The following COA3 variants were observed in gnomAD, a reference collection of about 807,000 sequenced individuals.
COA3 encodes cytochrome c oxidase assembly factor 3.
Under a neutral mutation model 10.1 loss-of-function variants are expected in COA3, and 10 were observed. The ratio of observed to expected loss-of-function variants is 0.99; its 90% CI spans 0.61 to 1.67. The LOEUF (loss-of-function observed/expected upper bound fraction) is 1.67, where lower values mean the gene tolerates loss of function less well. COA3 is among the 40% of genes most tolerant of loss of function. The pLI, the probability that COA3 is intolerant of heterozygous loss-of-function variation, is 0.00. For missense variants in COA3, 142 were observed against 140.7 expected (o/e 1.01, Z -0.05); for synonymous variants, 57 against 63.1 (o/e 0.90, Z 0.46).
rs748781209 is a variant in COA3 at position 42,797,959 on chromosome 17, C to T, written c.*102G>A. The T allele has an allele frequency of 5.1e-6, 4 of 783,908 alleles. No individual in the cohort carries two copies. Among genetic ancestry groups the T allele is most frequent in the Non-Finnish European group, 8.4e-6 (4 of 474,150 alleles). The allele number at this position is 783,908 out of a possible 1,614,324, so 48.6% of individuals were successfully genotyped here. A position where few individuals can be genotyped will look rare whatever the true frequency, so the allele number is the denominator to read the frequency against. On this transcript the variant is annotated 3_prime_UTR_variant, in exon 2 of 2. Transcript: ENST00000328434. The stretch of plus-strand genomic sequence containing the variant: ...CACGGTCCAAGGTTAGTAAGAAGGC[C>T]AACAATGTTGTGAGCAGGATTCAAT...
chr17:42,798,418 T>A, intron 1 of COA3, 50 bp downstream of exon 1: 1 of 1,582,186 alleles, frequency 6.3e-7, no homozygotes, highest in Non-Finnish European at 8.6e-7. Context: ...CACACTCTGT[T>A]CCCCTGCCCC....
Position 42,797,930 on chromosome 17 carries a change from C to G in COA3, c.*131G>C. 1 of 641,140 alleles carries G rather than the reference C, an allele frequency of 1.6e-6. No homozygotes were observed. Among genetic ancestry groups the G allele is most frequent in the Non-Finnish European group, 2.7e-6 (1 of 370,084 alleles). The allele number at this position is 641,140 out of a possible 1,614,324, so 39.7% of individuals were successfully genotyped here. A position where few individuals can be genotyped will look rare whatever the true frequency, so the allele number is the denominator to read the frequency against. On this transcript the variant is annotated 3_prime_UTR_variant, in exon 2 of 2. Coordinates refer to ENST00000328434, the MANE Select transcript of COA3 (RefSeq NM_001040431.3). The stretch of plus-strand genomic sequence containing the variant: ...GCGTAAGTCCCTGGTTTCTTGGGCT[C>G]AATCACGGTCCAAGGTTAGTAAGAA...
At position 42,798,598 on chromosome 17, in the gene COA3, C is replaced by A. The variant is rs768850019; in HGVS notation, c.84G>T (p.Glu28Asp). The change falls in exon 1 of 2, where the codon GAG (glutamate) becomes GAT (aspartate). Residue 28 changes from glutamate to aspartate, a missense_variant. Physicochemically the swap from Glu to Asp is conservative, Grantham distance 45. Coordinates refer to ENST00000328434, the MANE Select transcript of COA3 (RefSeq NM_001040431.3). ...AATGCAGTTGCTCGGGTGTCAGCTT[C>A]TCCCGAGTCGGGTCGATACGCTGAG... ...PFAQRIDPTR[E>D]KLTPEQLHSM... The A allele has an allele frequency of 6.2e-7, 1 of 1,614,202 alleles. No individual in the cohort carries two copies. The highest frequency in any genetic ancestry group is 8.5e-7 in the Non-Finnish European group (1 of 1,180,046).
rs1395377773 is a variant in COA3 at position 42,798,573 on chromosome 17, A to C, written c.109T>G (p.Ser37Ala). 18 of 1,614,022 alleles carry C rather than the reference A, an allele frequency of 1.1e-5. No homozygotes were observed. Among genetic ancestry groups the C allele is most frequent in the Non-Finnish European group, 1.5e-5 (18 of 1,180,038 alleles). The change falls in exon 1 of 2, where the codon TCC becomes GCC. Residue 37 changes from serine to alanine, a missense_variant. Ser to Ala is a moderately conservative substitution (Grantham distance 99, BLOSUM62 1). Coordinates refer to ENST00000328434, the MANE Select transcript of COA3 (RefSeq NM_001040431.3). ...REKLTPEQLH[S>A]MRQAELAQWQ... ...TGGGCAAGCTCCGCCTGCCGCATGG[A>C]ATGCAGTTGCTCGGGTGTCAGCTTC...
intron 1 of COA3, 100 bp downstream of exon 1, chr17:42,798,368 C>G (rs1246056680): frequency 8.3e-7 from 1 of 1,198,480 alleles, no homozygotes; most frequent in African/African-American, 1.5e-5. Flanking sequence ...AAGTACTACC[C>G]ATTTTACCCC....
At position 42,798,102 on chromosome 17, in the gene COA3, C is replaced by G. The variant is rs776005973; in HGVS notation, c.280G>C (p.Ala94Pro). Residue 94 changes from alanine (A) to proline (P), a missense_variant, in exon 2 of 2, where the codon GCT (alanine) becomes CCT (proline). Coordinates refer to ENST00000328434, the MANE Select transcript of COA3 (RefSeq NM_001040431.3). Reference sequence around the variant, plus strand: ...CTTGCCAGAGCTCGGGCTCGGGCAGCTTTGGCCTCGTCTTCTAGCTCATCT... The same window carrying G: ...CTTGCCAGAGCTCGGGCTCGGGCAGGTTTGGCCTCGTCTTCTAGCTCATCT... ...FLDELEDEAKAARARALARAS... is the reference protein window; with the variant it reads ...FLDELEDEAKPARARALARAS... 1 of 1,614,048 alleles carries G rather than the reference C, an allele frequency of 6.2e-7. No individual in the cohort carries two copies. Among genetic ancestry groups the G allele is most frequent in the Non-Finnish European group, 8.5e-7 (1 of 1,180,036 alleles).
At position 42,797,682 on chromosome 17, in the gene COA3, C is replaced by T; in HGVS notation, c.*379G>A. ...TATTCTCAATTTGACCCTATGTATC[C>T]CACTGTAGGCTCAAACACTGCACAG... On this transcript the variant is annotated 3_prime_UTR_variant, in exon 2 of 2. Transcript: ENST00000328434. 5.9e-6 allele frequency: 1 copy of T among 168,970 alleles called. No individual in the cohort carries two copies. The allele number at this position is 168,970 out of a possible 1,614,324, so 10.5% of individuals were successfully genotyped here.
intron 1 of COA3, 134 bp downstream of exon 1, chr17:42,798,334 G>C: frequency 1.0e-6 from 1 of 996,996 alleles, no homozygotes; most frequent in Non-Finnish European, 1.5e-6. Context: ...CAAATTAAAA[G>C]AGTACCTTAG....
chr17:42,798,434 G>A (rs1397127948), intron 1 of COA3, 34 bp downstream of exon 1: 4 of 1,601,082 alleles, frequency 2.5e-6, no homozygotes, highest in African/African-American at 2.7e-5. Context: ...GCCCCTATAT[G>A]CGGTCCCCTT....
In COA3 at chr17:42,798,038, G is replaced by A; in HGVS notation, c.*23C>T. The A allele has an allele frequency of 6.4e-7, 1 of 1,559,802 alleles. No homozygotes were observed. Among genetic ancestry groups the A allele is most frequent in the Non-Finnish European group, 8.8e-7 (1 of 1,131,282 alleles). The stretch of plus-strand genomic sequence containing the variant: ...CATGTGAAGGGGCTCCAGCAGGTTG[G>A]ACATGATCAATACCCATCCAGATTA... On this transcript the variant is annotated 3_prime_UTR_variant, in exon 2 of 2. Transcript: ENST00000328434.
intron 1 of COA3, 37 bp downstream of exon 1, chr17:42,798,431 T>C (rs2144103996): frequency 6.2e-7 from 1 of 1,600,068 alleles, no homozygotes; most frequent in Non-Finnish European, 8.5e-7. Flanking sequence ...CCTGCCCCTA[T>C]ATGCGGTCCC....
rs1210930002 is a variant in COA3 at position 42,798,071 on chromosome 17, G to T, written c.311C>A (p.Ser104Ter). The T allele has an allele frequency of 6.2e-7, 1 of 1,613,846 alleles. No individual in the cohort carries two copies. Among genetic ancestry groups the T allele is most frequent in the Admixed American group, 1.7e-5 (1 of 60,014 alleles). ...AARARALARASGS is the reference protein window; with the variant it reads ...AARARALARA ...CAATACCCATCCAGATTAGGACCCTGACGCCCTTGCCAGAGCTCGGGCTCG... is the reference window on the plus strand; with the variant it reads ...CAATACCCATCCAGATTAGGACCCTTACGCCCTTGCCAGAGCTCGGGCTCG... The change falls in exon 2 of 2, where the codon TCA (serine) becomes TAA (stop). Residue 104 changes from serine (S) to a stop codon, truncating the protein, a stop_gained. Coordinates refer to ENST00000328434, the MANE Select transcript of COA3 (RefSeq NM_001040431.3). LOFTEE classifies it high-confidence loss of function.
In COA3 at chr17:42,798,140, T is replaced by C; in HGVS notation, c.242A>G (p.Gln81Arg). Residue 81 changes from glutamine (Q) to arginine (R), a missense_variant, in exon 2 of 2, where the codon CAG becomes CGG. By Grantham distance (43) the Gln-to-Arg change is conservative. Coordinates refer to ENST00000328434, the MANE Select transcript of COA3 (RefSeq NM_001040431.3). The part of the protein sequence containing the change: ...IYGYTFYSIS[Q>R]ERFLDELEDE... Reference sequence around the variant, plus strand: ...TTCTAGCTCATCTAGGAAACGCTCCTGGGAAATCGAGTAGAAGGTGTAACC... The same window carrying C: ...TTCTAGCTCATCTAGGAAACGCTCCCGGGAAATCGAGTAGAAGGTGTAACC... 6.2e-7 allele frequency: 1 copy of C among 1,614,064 alleles called. No individual in the cohort carries two copies. Among genetic ancestry groups the C allele is most frequent in the Non-Finnish European group, 8.5e-7 (1 of 1,179,966 alleles).
rs753887478 is a variant in COA3 at position 42,798,137 on chromosome 17, T to C, written c.245A>G (p.Glu82Gly). The change falls in exon 2 of 2, where the codon GAG becomes GGG. Residue 82 changes from glutamate (E) to glycine (G), a missense_variant. Physicochemically the swap from Glu to Gly is moderately conservative, Grantham distance 98. Transcript: ENST00000328434. ...GTCTTCTAGCTCATCTAGGAAACGC[T>C]CCTGGGAAATCGAGTAGAAGGTGTA... ...YGYTFYSISQERFLDELEDEA... is the reference protein window; with the variant it reads ...YGYTFYSISQGRFLDELEDEA... 6.2e-7 allele frequency: 1 copy of C among 1,614,020 alleles called. No homozygotes were observed. The highest frequency in any genetic ancestry group is 8.5e-7 in the Non-Finnish European group (1 of 1,179,982).
rs1331777697 is a variant in COA3, at chr17:42,798,674, G to A, written c.8C>T (p.Ser3Phe). ...ATCCAGAGGGTCACCAGCTCCCGAA[G>A]ACGCCATGTTGCCACTCCTCCCTTC... The part of the protein sequence containing the change: MA[S>F]SGAGDPLDSK... The change falls in exon 1 of 2, where the codon TCT becomes TTT. Residue 3 changes from serine to phenylalanine, a missense_variant. Transcript: ENST00000328434. The A allele has an allele frequency of 1.9e-6, 3 of 1,611,888 alleles. No individual in the cohort carries two copies. The highest frequency in any genetic ancestry group is 1.3e-5 in the African/African-American group (1 of 75,048).
chr17:42,798,183 C>G lies in COA3; in HGVS notation c.215-16G>C, dbSNP rs766575818. 2.2e-5 allele frequency: 34 copies of G among 1,536,188 alleles called. No homozygotes were observed. The highest frequency in any genetic ancestry group is 3.0e-5 in the Non-Finnish European group (33 of 1,109,648). ...GTGTAACCATCTGGGGAGGTAGGTT[C>G]AGGAAACCACACAGAATATGCACAT... On this transcript the variant is annotated splice_polypyrimidine_tract_variant and intron_variant, in intron 1 of 1. Transcript: ENST00000328434.
intron 1 of COA3, 123 bp from the exon 2 acceptor site, chr17:42,798,290 A>G: frequency 1.1e-6 from 1 of 950,894 alleles, no homozygotes; most frequent in Non-Finnish European, 1.6e-6. Flanking sequence ...CTGTTTCTAA[A>G]CCCTGAACCC....
Position 42,798,669 on chromosome 17 carries a change from C to T in COA3, c.13G>A (p.Gly5Arg), listed in dbSNP as rs199833326. Residue 5 changes from glycine (G) to arginine (R), a missense_variant, in exon 1 of 2, where the codon GGA becomes AGA. Physicochemically the swap from Gly to Arg is moderately radical, Grantham distance 125. Coordinates refer to ENST00000328434, the MANE Select transcript of COA3 (RefSeq NM_001040431.3). MASS[G>R]AGDPLDSKRG... ...TTAGAATCCAGAGGGTCACCAGCTC[C>T]CGAAGACGCCATGTTGCCACTCCTC... 190 of 1,612,044 alleles carry T rather than the reference C, an allele frequency of 1.2e-4. No homozygotes were observed. The highest frequency in any genetic ancestry group is 1.4e-4 in the Non-Finnish European group (164 of 1,178,438).
Position 42,798,657 on chromosome 17 carries a change from G to A in COA3, c.25C>T (p.Pro9Ser), listed in dbSNP as rs549490118. ...GCCTCTCCACGCTTAGAATCCAGAG[G>A]GTCACCAGCTCCCGAAGACGCCATG... MASSGAGD[P>S]LDSKRGEAPF... The change falls in exon 1 of 2, where the codon CCT becomes TCT. Residue 9 changes from proline to serine, a missense_variant. Coordinates refer to ENST00000328434, the MANE Select transcript of COA3 (RefSeq NM_001040431.3). 3.1e-6 allele frequency: 5 copies of A among 1,613,014 alleles called. No individual in the cohort carries two copies. In the East Asian group the frequency reaches 6.7e-5, roughly 22 times the overall value.
Sources: gnomAD v4.1 joint callset for allele counts on GRCh38, gnomAD v4.1.1 for gene constraint, MANE v1.5 for transcripts, NCBI Gene and HGNC (gene_info 2026-07-23, HGNC 2026-07-21) for gene names.